Variants in ISM1 observed in about 807,000 individuals in gnomAD.
The protein encoded by ISM1 is isthmin 1.
ISM1 carries 25 observed loss-of-function variants against 46.3 expected under a neutral mutation model. The ratio of observed to expected loss-of-function variants is 0.54; its 90% CI spans 0.39 to 0.75. The LOEUF is 0.75. ISM1 is among the 30% of genes least tolerant of loss of function. ISM1 has a pLI of 0.00. For synonymous variants in ISM1, 255 were observed against 256.7 expected, an observed-to-expected ratio of 0.99 and a Z score of 0.06; for missense variants, 536 against 625.4, an observed-to-expected ratio of 0.86 and a Z score of 1.52.
At chr20:13,280,151 T>C (rs937531544) in intron 3 of ISM1, among the ~76,000 whole-genome samples, 5 of 152,226 alleles carry the variant, frequency 3.3e-5, no homozygotes, top group Admixed American at 2.6e-4. Flanking sequence ...TTTTAGGATC[T>C]TTGGGGTTCT....
intron 1 of ISM1, among the ~76,000 whole-genome samples, chr20:13,241,047 C>T (rs1422530191): frequency 6.6e-6 from 1 of 152,064 alleles, no homozygotes; most frequent in Non-Finnish European, 1.5e-5. Context: ...TCACAGAAGC[C>T]AGGGGAGAAG....
intron 3 of ISM1, among the ~76,000 whole-genome samples, chr20:13,281,272 T>C (rs78035717): frequency 2.5e-3 from 384 of 152,232 alleles, no homozygotes; most frequent in African/African-American, 9.1e-3. Flanking sequence ...AATAGTGCCA[T>C]GGTAGAGATG....
intron 4 of ISM1, 142 bp from the exon 5 acceptor site, chr20:13,292,232 C>T (rs1452794322): frequency 9.8e-6 from 6 of 612,468 alleles, no homozygotes; most frequent in Middle Eastern, 5.4e-4. Context: ...TTACTGTTTC[C>T]TCTGTTGGCA....
intron 4 of ISM1, among the ~76,000 whole-genome samples, chr20:13,289,791 C>T (rs2040333779): frequency 6.6e-6 from 1 of 152,126 alleles, no homozygotes; most frequent in South Asian, 2.1e-4. Flanking sequence ...GGTGTATAGT[C>T]TTACTGTGTA....
intron 1 of ISM1, among the ~76,000 whole-genome samples, chr20:13,253,935 G>A (rs1267900311): frequency 1.3e-5 from 2 of 151,138 alleles, no homozygotes; most frequent in Non-Finnish European, 2.9e-5. Context: ...GTGTATTTAT[G>A]GGCCAGGCAC....
rs141261181 is a variant in ISM1 at position 13,263,707 on chromosome 20, G to A, written c.139-6797G>A. On this transcript the variant is annotated intron_variant, in intron 1 of 5. Transcript: ENST00000262487. The stretch of plus-strand genomic sequence containing the variant: ...AATGGAGTGTTTGAATGTGGAAGGC[G>A]CACAGCCATGTGCCTGGGTGCAGTA... 3.7e-3 allele frequency among the ~76,000 whole-genome samples: 568 copies of A among 152,278 alleles called. 1 individual carries two copies. The highest frequency in any genetic ancestry group is 0.012 in the African/African-American group (512 of 41,552).
rs3171289 is a variant in ISM1 at position 13,300,444 on chromosome 20, G to C, written c.*985G>C. The C allele has an allele frequency of 6.6e-6, 1 of 151,858 alleles. No homozygotes were observed. Among genetic ancestry groups the C allele is most frequent in the Non-Finnish European group, 1.5e-5 (1 of 67,986 alleles). The allele number at this position is 151,858 out of a possible 1,614,324, so 9.4% of individuals were successfully genotyped here. ...GGGAGGGTCAATCTGGGGAATCTTA[G>C]TTTTTTATGTTTTAAGAAAACAAAA... On this transcript the variant is annotated 3_prime_UTR_variant, in exon 6 of 6. Transcript: ENST00000262487.
chr20:13,296,403 G>C (rs779228937), intron 5 of ISM1, among the ~76,000 whole-genome samples: 3 of 152,206 alleles, frequency 2.0e-5, no homozygotes, highest in Non-Finnish European at 2.9e-5. Flanking sequence ...ACTCAGTAAG[G>C]AGAGGATTTA....
intron 1 of ISM1, among the ~76,000 whole-genome samples, chr20:13,225,614 G>A (rs1263000571): frequency 2.0e-5 from 3 of 152,076 alleles, no homozygotes; most frequent in African/African-American, 7.2e-5. Context: ...GCAGTAAAAA[G>A]TTTTGAGTAC....
intron 5 of ISM1, 120 bp from the exon 6 acceptor site, chr20:13,298,822 G>A (rs1568692561): frequency 3.2e-6 from 3 of 935,368 alleles, no homozygotes; most frequent in African/African-American, 1.7e-5. Flanking sequence ...TCAGGGAGTT[G>A]TTGACTTTAG....
rs570374436 is a variant in ISM1 at position 13,228,457 on chromosome 20, C to A, written c.138+6543C>A. 4.6e-5 allele frequency among the ~76,000 whole-genome samples: 7 copies of A among 152,128 alleles called. No individual in the cohort carries two copies. The South Asian group carries it at 6.2e-4, about 14-fold the overall frequency. The stretch of plus-strand genomic sequence containing the variant: ...GTTGGCTGTCTTCTATCTTATTTCC[C>A]CCCTAAGAATTTTAAGAATAGAATT... On this transcript the variant is annotated intron_variant, in intron 1 of 5. Coordinates refer to ENST00000262487, the MANE Select transcript of ISM1 (RefSeq NM_080826.2).
chr20:13,222,763 G>C (rs1043625284), intron 1 of ISM1, among the ~76,000 whole-genome samples: 1 of 152,206 alleles, frequency 6.6e-6, no homozygotes, highest in Non-Finnish European at 1.5e-5. Context: ...CTGCCGCTAT[G>C]TTAGCGCCTT....
At chr20:13,286,454 A>C (rs950222256) in intron 3 of ISM1, among the ~76,000 whole-genome samples, 1 of 152,108 alleles carries the variant, frequency 6.6e-6, no homozygotes, top group Admixed American at 6.5e-5. Context: ...AAGGCAGCCG[A>C]ATTTCCTGAC....
chr20:13,257,764 C>T (rs1468612909), intron 1 of ISM1, among the ~76,000 whole-genome samples: 1 of 150,772 alleles, frequency 6.6e-6, no homozygotes, highest in Non-Finnish European at 1.5e-5. Flanking sequence ...AGTCAGGGAG[C>T]AGAGTTGAGA....
At chr20:13,222,502 CCCCCCTTGTG>C (rs919597429) in intron 1 of ISM1, among the ~76,000 whole-genome samples, 6 of 152,176 alleles carry the variant, frequency 3.9e-5, no homozygotes, top group Admixed American at 3.3e-4. Flanking sequence ...GTTCCCCCCT[CCCCCCTTGTG>C]CCCCCTTGGT....
chr20:13,275,078 G>C (rs2040162444), intron 2 of ISM1, among the ~76,000 whole-genome samples: 1 of 152,146 alleles, frequency 6.6e-6, no homozygotes, highest in South Asian at 2.1e-4. Context: ...GCACTGTTAG[G>C]CTTACTACAT....
At chr20:13,274,674 C>A (rs889539330) in intron 2 of ISM1, among the ~76,000 whole-genome samples, 4 of 151,942 alleles carry the variant, frequency 2.6e-5, no homozygotes, top group Admixed American at 1.3e-4. Flanking sequence ...CTCCCCGCCC[C>A]CCCCGCGCCC....
intron 5 of ISM1, among the ~76,000 whole-genome samples, chr20:13,293,938 C>T (rs990423619): frequency 6.6e-6 from 1 of 151,568 alleles, no homozygotes; most frequent in Non-Finnish European, 1.5e-5. Flanking sequence ...CACACCATTG[C>T]ACTCCAGCTT....
intron 1 of ISM1, among the ~76,000 whole-genome samples, chr20:13,247,517 G>GGGGGGTGTGTGTGTGTGTGT (rs1183213178): frequency 4.3e-5 from 6 of 139,806 alleles, no homozygotes; most frequent in African/African-American, 1.6e-4. Flanking sequence ...CAAAGTGAGG[G>GGGGGGTGTGTGTGTGTGTGT]GTGTGTGTGT....
Sources: allele counts gnomAD v4.1 joint callset (sites outside exome capture counted in the v4.1 genomes callset), GRCh38; gene constraint gnomAD v4.1.1; transcripts MANE v1.5; gene names NCBI Gene and HGNC (gene_info 2026-07-23, HGNC 2026-07-21).